The following SNX7 variants were observed in gnomAD, a reference collection of about 807,000 sequenced individuals.
SNX7 encodes the protein sorting nexin 7, also known as sorting nexin-7.
A neutral mutation model predicts 48.4 loss-of-function variants in SNX7; 35 were observed. That is an observed-to-expected ratio of 0.72 (90% CI 0.55 to 0.96). SNX7 has a LOEUF of 0.96. Ranked by LOEUF, SNX7 falls within the 40% of genes least tolerant of loss-of-function variation. The probability of loss-of-function intolerance (pLI) is 0.00; values close to 1 mark genes in which losing one functional copy is unlikely to be tolerated. For synonymous variants in SNX7, 190 were observed against 190.2 expected, an observed-to-expected ratio of 1.00 and a Z score of 0.01; for missense variants, 553 against 548.9, an observed-to-expected ratio of 1.01 and a Z score of -0.07.
chr1:98,669,537 G>A (rs1649731774), intron 1 of SNX7, among the ~76,000 whole-genome samples: 1 of 152,164 alleles, frequency 6.6e-6, no homozygotes, highest in Admixed American at 6.5e-5. Flanking sequence ...TCACTATTCA[G>A]TTCCATGACT....
intron 8 of SNX7, among the ~76,000 whole-genome samples, chr1:98,752,249 T>TAAA (rs1476699001): frequency 4.6e-5 from 7 of 152,076 alleles, no homozygotes; most frequent in Non-Finnish European, 8.8e-5. Flanking sequence ...CTTGAGTTTT[T>TAAA]CCTTAGGTTT....
intron 5 of SNX7, 66 bp downstream of exon 5, chr1:98,695,782 G>T (rs1230607811): frequency 1.7e-6 from 2 of 1,144,162 alleles, no homozygotes; most frequent in Non-Finnish European, 2.6e-6. Flanking sequence ...CACATTTGTT[G>T]GTGTAATATA....
chr1:98,685,688 T>A (rs1314293489), intron 2 of SNX7, among the ~76,000 whole-genome samples: 2 of 152,148 alleles, frequency 1.3e-5, no homozygotes, highest in Non-Finnish European at 2.9e-5. Flanking sequence ...CTCTTTATAA[T>A]ATTTTGTTTA....
Position 98,684,269 on chromosome 1 carries a change from A to G in SNX7, c.181-616A>G, listed in dbSNP as rs151017325. Among the ~76,000 whole-genome samples, 747 of 152,194 alleles carry G rather than the reference A, an allele frequency of 4.9e-3. 24 individuals carry two copies. Among genetic ancestry groups the G allele is most frequent in the Non-Finnish European group, 1.9e-3 (127 of 68,000 alleles). The stretch of plus-strand genomic sequence containing the variant: ...CGTTTACCATAGTTTTTTTCTTCTT[A>G]TTCTTGCCTGAGTCCATTAGTGCTA... On this transcript the variant is annotated intron_variant, in intron 1 of 8. Coordinates refer to ENST00000306121, the MANE Select transcript of SNX7 (RefSeq NM_015976.5).
chr1:98,731,240 G>C (rs898396932), intron 7 of SNX7, among the ~76,000 whole-genome samples: 1 of 150,218 alleles, frequency 6.7e-6, no homozygotes, highest in Admixed American at 6.7e-5. Context: ...AAAAGTATAA[G>C]AATACTGTTT....
chr1:98,675,295 TA>T (rs1033300077), intron 1 of SNX7, among the ~76,000 whole-genome samples: 3 of 152,178 alleles, frequency 2.0e-5, no homozygotes, highest in Admixed American at 1.3e-4. Context: ...TCTTTCCTTT[TA>T]TTGAAGTGAA....
intron 7 of SNX7, among the ~76,000 whole-genome samples, chr1:98,711,339 T>C (rs1652296028): frequency 1.3e-5 from 2 of 152,288 alleles, no homozygotes; most frequent in South Asian, 4.1e-4. Context: ...AAATCAAAAA[T>C]TGTATTCCCA....
chr1:98,739,845 A>C (rs2101037370), intron 8 of SNX7, among the ~76,000 whole-genome samples: 1 of 152,262 alleles, frequency 6.6e-6, no homozygotes, highest in South Asian at 2.1e-4. Context: ...GTGCATTATA[A>C]ATTTATTCTT....
At chr1:98,734,015 T>C (rs761622735) in intron 7 of SNX7, among the ~76,000 whole-genome samples, 2 of 152,120 alleles carry the variant, frequency 1.3e-5, no homozygotes, top group Non-Finnish European at 2.9e-5. Flanking sequence ...GTCTCTAATA[T>C]GCATTTGCAG....
In SNX7 at chr1:98,685,504, G is replaced by A. The variant is rs147825310; in HGVS notation, c.363+437G>A. On this transcript the variant is annotated intron_variant, in intron 2 of 8. Transcript: ENST00000306121. ...GGGACAGGTGGCCACTTTGTCTCATGTATGAGATACTGTTATGTGTGCAAT... is the reference window on the plus strand; with the variant it reads ...GGGACAGGTGGCCACTTTGTCTCATATATGAGATACTGTTATGTGTGCAAT... 2.9e-3 allele frequency among the ~76,000 whole-genome samples: 437 copies of A among 152,216 alleles called. 2 individuals carry two copies. The highest frequency in any genetic ancestry group is 9.7e-3 in the African/African-American group (401 of 41,542).
At chr1:98,751,029 A>G (rs1172276525) in intron 8 of SNX7, among the ~76,000 whole-genome samples, 1 of 152,076 alleles carries the variant, frequency 6.6e-6, no homozygotes, top group East Asian at 1.9e-4. Context: ...GGACACACAT[A>G]GTTCAAACCC....
At chr1:98,722,395 TAC>T (rs1453974471) in intron 7 of SNX7, among the ~76,000 whole-genome samples, 2 of 152,140 alleles carry the variant, frequency 1.3e-5, no homozygotes, top group African/African-American at 2.4e-5. Context: ...CAGAAAATAA[TAC>T]AGTTTTATTG....
At chr1:98,694,062 G>A (rs1159735683) in intron 4 of SNX7, among the ~76,000 whole-genome samples, 1 of 152,106 alleles carries the variant, frequency 6.6e-6, no homozygotes, top group Non-Finnish European at 1.5e-5. Flanking sequence ...GAAATAACTA[G>A]TTTCGTATCT....
At chr1:98,709,503 G>A (rs1211193185) in intron 7 of SNX7, among the ~76,000 whole-genome samples, 1 of 152,132 alleles carries the variant, frequency 6.6e-6, no homozygotes, top group Non-Finnish European at 1.5e-5. Context: ...CAACTCACTC[G>A]ATGTTGTACC....
At chr1:98,716,527 A>G (rs1652599829) in intron 7 of SNX7, among the ~76,000 whole-genome samples, 1 of 152,188 alleles carries the variant, frequency 6.6e-6, no homozygotes, top group African/African-American at 2.4e-5. Flanking sequence ...TGTTTCCTGC[A>G]TGGGAAAACA....
chr1:98,742,015 G>C (rs1654095482), intron 8 of SNX7, among the ~76,000 whole-genome samples: 1 of 152,060 alleles, frequency 6.6e-6, no homozygotes, highest in Non-Finnish European at 1.5e-5. Flanking sequence ...CTCTGGACTT[G>C]GCAACAGCTA....
chr1:98,733,841 G>A (rs1309373195), intron 7 of SNX7, among the ~76,000 whole-genome samples: 1 of 152,000 alleles, frequency 6.6e-6, no homozygotes, highest in Non-Finnish European at 1.5e-5. Context: ...CAGATGAACT[G>A]GTTTCCTTTC....
intron 4 of SNX7, among the ~76,000 whole-genome samples, chr1:98,693,929 T>C (rs1227813938): frequency 6.6e-6 from 1 of 152,250 alleles, no homozygotes; most frequent in Admixed American, 6.5e-5. Context: ...TGTCCTTTTT[T>C]GTTTGTATTT....
intron 2 of SNX7, among the ~76,000 whole-genome samples, chr1:98,685,874 A>G (rs751732073): frequency 2.6e-5 from 4 of 152,050 alleles, no homozygotes; most frequent in Non-Finnish European, 5.9e-5. Flanking sequence ...TGAATTCTTA[A>G]AATCCTTTCT....
Sources: allele counts gnomAD v4.1 joint callset (sites outside exome capture counted in the v4.1 genomes callset), GRCh38; gene constraint gnomAD v4.1.1; transcripts MANE v1.5; gene names NCBI Gene and HGNC (gene_info 2026-07-23, HGNC 2026-07-21).